Variants in SPMIP4 observed in about 807,000 individuals in gnomAD.
SPMIP4 encodes the protein sperm microtubule inner protein 4.
chr7:25,174,438 G>C, the SPMIP4 span, among the ~76,000 whole-genome samples: 1 of 152,196 alleles, frequency 6.6e-6, no homozygotes, highest in African/African-American at 2.4e-5. This position sits in a 1 kb window ranked among gnomAD's most constrained non-coding sequence, Gnocchi z 4.5. Context: ...AGATGAGCCA[G>C]TATTTCATTT....
At chr7:25,178,794 T>A in the SPMIP4 span, among the ~76,000 whole-genome samples, 1 of 151,934 alleles carries the variant, frequency 6.6e-6, no homozygotes, top group East Asian at 1.9e-4. Flanking sequence ...ATCCCAGCAC[T>A]TTGGGAGGCC....
the SPMIP4 span, among the ~76,000 whole-genome samples, chr7:25,171,329 G>C: frequency 6.6e-6 from 1 of 152,176 alleles, no homozygotes; most frequent in East Asian, 1.9e-4. Context: ...TGGCACACAG[G>C]AAGCACTCAA....
the SPMIP4 span, chr7:25,142,301 A>C: frequency 6.2e-7 from 1 of 1,613,140 alleles, no homozygotes. Context: ...CATGGTAATC[A>C]TCCAGTTCAA....
the SPMIP4 span, chr7:25,180,268 CCCAGCG>C: frequency 8.5e-5 from 13 of 152,448 alleles, no homozygotes; most frequent in African/African-American, 3.1e-4. Context: ...AGGAAACCAG[CCCAGCG>C]CTACGGGACT....
At chr7:25,141,555 A>G in the SPMIP4 span, among the ~76,000 whole-genome samples, 1 of 73,620 alleles carries the variant, frequency 1.4e-5, no homozygotes, top group Non-Finnish European at 3.6e-5. Context: ...CTGGCAACAG[A>G]GTGAGACTCT....
the SPMIP4 span, among the ~76,000 whole-genome samples, chr7:25,165,459 T>C: frequency 6.6e-6 from 1 of 152,160 alleles, no homozygotes; most frequent in African/African-American, 2.4e-5. Context: ...ATTGTTGCTT[T>C]TTTGTTTTTT....
chr7:25,161,140 A>C, the SPMIP4 span: 1 of 1,134,238 alleles, frequency 8.8e-7, no homozygotes, highest in Non-Finnish European at 1.3e-6. Context: ...ACTCATTTCC[A>C]CTTAAAAATG....
the SPMIP4 span, among the ~76,000 whole-genome samples, chr7:25,173,813 G>A: frequency 5.9e-5 from 9 of 152,066 alleles, no homozygotes; most frequent in Admixed American, 3.9e-4. This position sits in a 1 kb window ranked among gnomAD's most constrained non-coding sequence, Gnocchi z 4.4. Flanking sequence ...AAGATGAGCC[G>A]GTAGAAAATG....
At chr7:25,160,730 T>C in the SPMIP4 span, among the ~76,000 whole-genome samples, 2 of 152,226 alleles carry the variant, frequency 1.3e-5, no homozygotes, top group Admixed American at 1.3e-4. Context: ...CAAGTATGCC[T>C]TACGTTAAAA....
At chr7:25,173,661 G>T in the SPMIP4 span, among the ~76,000 whole-genome samples, 431 of 152,246 alleles carry the variant, frequency 2.8e-3, no homozygotes, top group African/African-American at 9.8e-3. The surrounding 1 kb of genome is among the most constrained non-coding windows in gnomAD (Gnocchi z 4.4). Context: ...ACGATTTGGG[G>T]GACATGACAA....
At chr7:25,177,270 C>G in the SPMIP4 span, among the ~76,000 whole-genome samples, 1 of 152,098 alleles carries the variant, frequency 6.6e-6, no homozygotes, top group African/African-American at 2.4e-5. Flanking sequence ...ATCACGAGGT[C>G]AGGAGATCGA....
chr7:25,144,879 C>T, the SPMIP4 span, among the ~76,000 whole-genome samples: 8 of 152,046 alleles, frequency 5.3e-5, no homozygotes. Flanking sequence ...CTTACTTATT[C>T]AGGGATAAAG....
At chr7:25,136,334 G>A in the SPMIP4 span, 179 of 1,614,192 alleles carry the variant, frequency 1.1e-4, 2 homozygotes, top group African/African-American at 2.2e-3. This position sits in a 1 kb window ranked among gnomAD's most constrained non-coding sequence, Gnocchi z 5.7. Flanking sequence ...TGATCACGTA[G>A]GGGAGATTTA....
chr7:25,152,058 T>C, the SPMIP4 span, among the ~76,000 whole-genome samples: 3 of 152,330 alleles, frequency 2.0e-5, no homozygotes, highest in African/African-American at 4.8e-5. Context: ...TCTTTAACCC[T>C]AGTGCTCTCA....
the SPMIP4 span, chr7:25,134,746 A>C: frequency 2.0e-6 from 2 of 985,240 alleles, no homozygotes; most frequent in African/African-American, 1.7e-5. Context: ...ATTCCATTCC[A>C]GTGATCTACT....
chr7:25,173,109 G>A, the SPMIP4 span, among the ~76,000 whole-genome samples: 9 of 152,106 alleles, frequency 5.9e-5, no homozygotes, highest in South Asian at 1.2e-3. The surrounding 1 kb of genome is among the most constrained non-coding windows in gnomAD (Gnocchi z 4.4). Context: ...GATAGGGAGA[G>A]AGAAGGGGAG....
the SPMIP4 span, among the ~76,000 whole-genome samples, chr7:25,133,052 T>C: frequency 6.6e-6 from 1 of 152,342 alleles, no homozygotes; most frequent in East Asian, 1.9e-4. Context: ...CTAAAATTCA[T>C]AGGAAAATTG....
At chr7:25,156,665 C>G in the SPMIP4 span, among the ~76,000 whole-genome samples, 2 of 152,092 alleles carry the variant, frequency 1.3e-5, no homozygotes, top group Non-Finnish European at 2.9e-5. Flanking sequence ...TCAAAGGAGT[C>G]AGGGTTTCTG....
chr7:25,134,009 C>T, the SPMIP4 span, among the ~76,000 whole-genome samples: 25 of 152,200 alleles, frequency 1.6e-4, no homozygotes, highest in African/African-American at 5.1e-4. Flanking sequence ...CGCTTGTAAT[C>T]CCAGCACTTT....
Sources: gnomAD v4.1 joint callset for allele counts (sites outside exome capture counted in the v4.1 genomes callset) on GRCh38, gnomAD v4.1.1 for gene constraint, Gnocchi (gnomAD v3.1) non-coding constraint, MANE v1.5 for transcripts, NCBI Gene and HGNC (gene_info 2026-07-23, HGNC 2026-07-21) for gene names.